The following SRPK2 variants were observed in gnomAD, a reference collection of about 807,000 sequenced individuals.
SRPK2 encodes SFRS protein kinase 2.
In SRPK2, 21 loss-of-function variants were observed where a neutral mutation model predicts 90.8. The observed-to-expected ratio is 0.23, with a 90% CI of 0.16 to 0.33. SRPK2 has a LOEUF of 0.33. SRPK2 is among the 10% of genes least tolerant of loss of function. SRPK2 has a pLI of 1.00. For missense variants in SRPK2, 620 were observed against 869.0 expected (o/e 0.71, Z 3.60); for synonymous variants, 288 against 311.1 (o/e 0.93, Z 0.78).
intron 3 of SRPK2, among the ~76,000 whole-genome samples, chr7:105,179,642 T>C (rs763878782): frequency 6.6e-6 from 1 of 151,938 alleles, no homozygotes; most frequent in Non-Finnish European, 1.5e-5. Flanking sequence ...CTGGCCATCA[T>C]GGTGAAACCG....
In SRPK2 at chr7:105,173,782, G is replaced by T. The variant is rs1585049636; in HGVS notation, c.230-4517C>A. 2.0e-5 allele frequency among the ~76,000 whole-genome samples: 3 copies of T among 152,246 alleles called. No homozygotes were observed. In the South Asian group the frequency reaches 6.2e-4, roughly 32 times the overall value. ...AACACTGCTATGGACCCTGCTAATA[G>T]CATTAGGCAGGGTGCCAGAAAGCCT... On this transcript the variant is annotated intron_variant, in intron 3 of 15. Transcript: ENST00000393651.
chr7:105,295,412 A>G (rs934718668), intron 2 of SRPK2, among the ~76,000 whole-genome samples: 3 of 152,158 alleles, frequency 2.0e-5, no homozygotes, highest in African/African-American at 7.2e-5. Context: ...GATGTGTTAA[A>G]CTAAATGCAT....
intron 15 of SRPK2, among the ~76,000 whole-genome samples, chr7:105,123,191 G>C (rs1562952969): frequency 6.6e-6 from 1 of 152,158 alleles, no homozygotes; most frequent in Admixed American, 6.5e-5. Flanking sequence ...AAGAGGGTGA[G>C]AGCTGTAATT....
At chr7:105,236,396 A>G (rs1800146403) in intron 2 of SRPK2, among the ~76,000 whole-genome samples, 1 of 152,088 alleles carries the variant, frequency 6.6e-6, no homozygotes, top group South Asian at 2.1e-4. Context: ...ACAGTATATC[A>G]TAGTTTAATT....
intron 3 of SRPK2, among the ~76,000 whole-genome samples, chr7:105,170,479 G>C (rs1041696314): frequency 6.6e-6 from 1 of 151,776 alleles, no homozygotes; most frequent in Non-Finnish European, 1.5e-5. Flanking sequence ...GATCACCTGA[G>C]GTCTGGAGTT....
At chr7:105,149,286 T>C (rs1805177532) in intron 7 of SRPK2, among the ~76,000 whole-genome samples, 1 of 152,212 alleles carries the variant, frequency 6.6e-6, no homozygotes, top group South Asian at 2.1e-4. Flanking sequence ...GCTGCCTTGT[T>C]ATTCTTTACT....
At chr7:105,125,980 T>G (rs551830236) in intron 15 of SRPK2, 5 of 671,248 alleles carry the variant, frequency 7.4e-6, no homozygotes, top group South Asian at 1.9e-5. Context: ...AGAGCGCAAC[T>G]TGAATGACCA....
At chr7:105,224,528 G>A (rs912912605) in intron 2 of SRPK2, among the ~76,000 whole-genome samples, 1 of 152,156 alleles carries the variant, frequency 6.6e-6, no homozygotes, top group African/African-American at 2.4e-5. Context: ...AGAATCACTT[G>A]AACTCAGGAG....
chr7:105,176,621 G>GTGTGTA (rs148629862), intron 3 of SRPK2, among the ~76,000 whole-genome samples: 25 of 147,658 alleles, frequency 1.7e-4, no homozygotes, highest in African/African-American at 3.6e-4. Flanking sequence ...ATACGTGTGT[G>GTGTGTA]TATATATATA....
At chr7:105,223,905 A>C (rs538784736) in intron 2 of SRPK2, among the ~76,000 whole-genome samples, 1 of 152,364 alleles carries the variant, frequency 6.6e-6, no homozygotes, top group East Asian at 1.9e-4. Flanking sequence ...CTCGAGTTAC[A>C]CAAAATAACA....
chr7:105,339,461 T>C (rs1815489169), intron 2 of SRPK2, among the ~76,000 whole-genome samples: 1 of 152,124 alleles, frequency 6.6e-6, no homozygotes, highest in Admixed American at 6.6e-5. Context: ...GCTCACCTAA[T>C]TGTCTTAAAT....
intron 2 of SRPK2, among the ~76,000 whole-genome samples, chr7:105,275,544 T>C (rs1456742678): frequency 6.6e-6 from 1 of 152,224 alleles, no homozygotes; most frequent in Non-Finnish European, 1.5e-5. Flanking sequence ...ATGAACAGTT[T>C]TTAACTCTTC....
intron 2 of SRPK2, among the ~76,000 whole-genome samples, chr7:105,230,783 G>C (rs537627736): frequency 3.9e-5 from 6 of 152,052 alleles, no homozygotes; most frequent in Non-Finnish European, 8.8e-5. Context: ...GTCATATGTT[G>C]TGATTCTATC....
intron 2 of SRPK2, among the ~76,000 whole-genome samples, chr7:105,208,979 A>T (rs73715445): frequency 0.012 from 1,812 of 150,542 alleles, 32 homozygotes; most frequent in African/African-American, 0.043. Context: ...ATAAATTTTT[A>T]AAAAAATAAA....
At chr7:105,397,219 T>C (rs1307360272) in intron 1 of SRPK2, among the ~76,000 whole-genome samples, 2 of 152,080 alleles carry the variant, frequency 1.3e-5, no homozygotes, top group Non-Finnish European at 2.9e-5. Flanking sequence ...GGTTTCACCA[T>C]GTTGGCCAGG....
chr7:105,357,500 A>G (rs1008997046), intron 2 of SRPK2, among the ~76,000 whole-genome samples: 4 of 152,116 alleles, frequency 2.6e-5, no homozygotes, highest in African/African-American at 9.7e-5. Flanking sequence ...GATCTGATGT[A>G]ATACCAGCCG....
intron 3 of SRPK2, among the ~76,000 whole-genome samples, chr7:105,192,007 C>T (rs1243155300): frequency 1.3e-5 from 2 of 151,330 alleles, no homozygotes; most frequent in South Asian, 4.2e-4. Context: ...AGCCACCATG[C>T]CTGGTCCACT....
rs549750396 is a variant in SRPK2, at chr7:105,373,908, C to T, written c.71+14740G>A. Among the ~76,000 whole-genome samples the T allele has an allele frequency of 8.5e-5, 13 of 152,156 alleles. No individual in the cohort carries two copies. In the South Asian group the frequency reaches 1.9e-3, roughly 22 times the overall value. On this transcript the variant is annotated intron_variant, in intron 2 of 15. Transcript: ENST00000393651. The stretch of plus-strand genomic sequence containing the variant: ...GTTATGCCTAAAACAAAGTCTCCCT[C>T]ATCTCCAAACAATTTCTCCCGACTT...
At position 105,116,486 on chromosome 7, in the gene SRPK2, G is replaced by A. The variant is rs1162367603; in HGVS notation, c.*1352C>T. ...CTTTTCACAATCTAGTTATTGCAAA[G>A]GCATATGGATAAATGTTAATGGACA... is the stretch of plus-strand genomic sequence containing the variant. On this transcript the variant is annotated 3_prime_UTR_variant, in exon 16 of 16. Transcript: ENST00000393651. 1 of 152,536 alleles carries A rather than the reference G, an allele frequency of 6.6e-6. No individual in the cohort carries two copies. Among genetic ancestry groups the A allele is most frequent in the East Asian group, 1.9e-4 (1 of 5,204 alleles). 9.4% of individuals were successfully genotyped at this position (152,536 alleles called of 1,614,324 possible). A position where few individuals can be genotyped will look rare whatever the true frequency, so the allele number is the denominator to read the frequency against.
Sources: allele counts gnomAD v4.1 joint callset (sites outside exome capture counted in the v4.1 genomes callset), GRCh38; gene constraint gnomAD v4.1.1; transcripts MANE v1.5; gene names NCBI Gene and HGNC (gene_info 2026-07-23, HGNC 2026-07-21).